HSPB8: variants seen among roughly 807,000 people sequenced by gnomAD.
HSPB8 encodes the protein heat shock protein family B (small) member 8.
In HSPB8, 9 loss-of-function variants were observed where a neutral mutation model predicts 16.5. That is an observed-to-expected ratio of 0.55 (90% CI 0.33 to 0.95). The LOEUF is 0.95. Ranked by LOEUF, HSPB8 falls within the 40% of genes least tolerant of loss-of-function variation. The probability of loss-of-function intolerance (pLI) is 0.03; values close to 1 mark genes in which losing one functional copy is unlikely to be tolerated. For missense variants in HSPB8, 238 were observed against 251.2 expected (o/e 0.95, Z 0.35); for synonymous variants, 99 against 94.8 (o/e 1.04, Z -0.26).
intron 1 of HSPB8, chr12:119,182,324 A>C (rs957051854): frequency 2.6e-5 from 4 of 152,132 alleles, no homozygotes; most frequent in Non-Finnish European, 4.4e-5. Context: ...AATAAAATTG[A>C]TATCAGGAGC....
intron 2 of HSPB8, among the ~76,000 whole-genome samples, chr12:119,191,319 C>T (rs181945306): frequency 3.5e-4 from 54 of 152,322 alleles, no homozygotes; most frequent in African/African-American, 1.2e-3. Flanking sequence ...TAGGCCATAG[C>T]CACCCTGTCA....
At chr12:119,190,394 G>A (rs2136084948) in intron 2 of HSPB8, among the ~76,000 whole-genome samples, 1 of 152,328 alleles carries the variant, frequency 6.6e-6, no homozygotes, top group South Asian at 2.1e-4. Flanking sequence ...CACCCAGGCA[G>A]GATGCTGCAG....
At chr12:119,185,212 G>A (rs1954667576) in intron 1 of HSPB8, among the ~76,000 whole-genome samples, 1 of 151,678 alleles carries the variant, frequency 6.6e-6, no homozygotes, top group Non-Finnish European at 1.5e-5. Context: ...CTGGAGTGCA[G>A]TGGTGCATTA....
intron 1 of HSPB8, among the ~76,000 whole-genome samples, chr12:119,180,122 AC>A (rs1257733296): frequency 6.6e-6 from 1 of 152,172 alleles, no homozygotes. Flanking sequence ...CCGGTGAAAC[AC>A]CTCTCCTTGT....
chr12:119,191,991 T>C (rs1454448846), intron 2 of HSPB8, among the ~76,000 whole-genome samples: 1 of 152,144 alleles, frequency 6.6e-6, no homozygotes, highest in Non-Finnish European at 1.5e-5. Flanking sequence ...CAAAATGATA[T>C]GATTCAGCTA....
chr12:119,194,370 T>A lies in HSPB8; in HGVS notation c.*512T>A, dbSNP rs1183072043. 9.6e-6 allele frequency: 2 copies of A among 207,818 alleles called. No individual in the cohort carries two copies. Among genetic ancestry groups the A allele is most frequent in the South Asian group, 1.8e-4 (2 of 11,056 alleles). The allele number at this position is 207,818 out of a possible 1,614,324, so 12.9% of individuals were successfully genotyped here. A position where few individuals can be genotyped will look rare whatever the true frequency, so the allele number is the denominator to read the frequency against. ...GATATACAGGTCTTATATCCCCATA[T>A]GGAATTTATCCATCAACCACATAAA... On this transcript the variant is annotated 3_prime_UTR_variant, in exon 3 of 3. Transcript: ENST00000281938.
rs1057322085 is a variant in HSPB8 at position 119,186,833 on chromosome 12, A to T, written c.368-192A>T. ...ATTATCTTATTTCACCTTCATAGCC[A>T]GCCTTGGAAGTGGACTTAGGTGGGT... On this transcript the variant is annotated intron_variant, in intron 1 of 2. Coordinates refer to ENST00000281938, the MANE Select transcript of HSPB8 (RefSeq NM_014365.3). 3 of 623,254 alleles carry T rather than the reference A, an allele frequency of 4.8e-6. No individual in the cohort carries two copies. In the African/African-American group the frequency reaches 5.5e-5, roughly 11 times the overall value. The allele number at this position is 623,254 out of a possible 1,614,324, so 38.6% of individuals were successfully genotyped here.
At chr12:119,192,836 G>A (rs961180266) in intron 2 of HSPB8, among the ~76,000 whole-genome samples, 4 of 152,100 alleles carry the variant, frequency 2.6e-5, no homozygotes, top group African/African-American at 4.8e-5. Flanking sequence ...GGCAAAAGGT[G>A]AAAGGCACGT....
intron 1 of HSPB8, among the ~76,000 whole-genome samples, chr12:119,181,597 C>T (rs1318458500): frequency 1.3e-5 from 2 of 152,126 alleles, no homozygotes; most frequent in Non-Finnish European, 2.9e-5. Context: ...CATTCTATGA[C>T]CTGGAACACA....
At chr12:119,193,638 TA>T (rs1954725549) in intron 2 of HSPB8, 60 bp from the exon 3 acceptor site, 5 of 1,563,796 alleles carry the variant, frequency 3.2e-6, no homozygotes, top group African/African-American at 2.7e-5. Flanking sequence ...CTCAAGTGAA[TA>T]AAAGAATGTT....
At chr12:119,192,920 A>T (rs929016707) in intron 2 of HSPB8, among the ~76,000 whole-genome samples, 7 of 152,120 alleles carry the variant, frequency 4.6e-5, no homozygotes, top group Admixed American at 3.3e-4. Context: ...ATCTCGTGAG[A>T]CTTATTCCCT....
chr12:119,190,339 G>A (rs958497221), intron 2 of HSPB8, among the ~76,000 whole-genome samples: 2 of 152,180 alleles, frequency 1.3e-5, no homozygotes, highest in Admixed American at 1.3e-4. Context: ...AGTCATTAGA[G>A]GACAGGGAGA....
intron 2 of HSPB8, among the ~76,000 whole-genome samples, chr12:119,189,777 C>T (rs1055773165): frequency 3.3e-5 from 5 of 152,060 alleles, no homozygotes; most frequent in African/African-American, 9.7e-5. Flanking sequence ...GGATGGGGAC[C>T]CCTGAATATT....
Position 119,193,681 on chromosome 12 carries a change from A to G in HSPB8, c.432-18A>G. On this transcript the variant is annotated intron_variant, in intron 2 of 2. Coordinates refer to ENST00000281938, the MANE Select transcript of HSPB8 (RefSeq NM_014365.3). ...ATATTAACAACAATAAATGAATAAA[A>G]TCGTGTGTTTCTCCTAGGCTTCCTG... is the stretch of plus-strand genomic sequence containing the variant. 1.9e-6 allele frequency: 3 copies of G among 1,613,318 alleles called. No homozygotes were observed. The highest frequency in any genetic ancestry group is 2.5e-6 in the Non-Finnish European group (3 of 1,179,228).
chr12:119,179,356 G>A lies in HSPB8; in HGVS notation c.44G>A (p.Arg15His), dbSNP rs752348447. ...QMPFSCHYPS[R>H]LRRDPFRDSP... ...CCCTTCTCCTGCCACTACCCAAGCC[G>A]CCTGCGCCGAGACCCCTTCCGGGAC... Residue 15 changes from arginine (R) to histidine (H), a missense_variant, in exon 1 of 3, where the codon CGC (arginine) becomes CAC (histidine). Transcript: ENST00000281938. The A allele has an allele frequency of 2.5e-6, 4 of 1,614,078 alleles. No individual in the cohort carries two copies. In the East Asian group the frequency reaches 6.7e-5, roughly 27 times the overall value.
chr12:119,186,603 A>G (rs1954677497), intron 1 of HSPB8, among the ~76,000 whole-genome samples: 1 of 152,142 alleles, frequency 6.6e-6, no homozygotes, highest in South Asian at 2.1e-4. Flanking sequence ...CGCCCTCAGC[A>G]TGTGACCCCG....
At chr12:119,185,223 T>C (rs1042075472) in intron 1 of HSPB8, among the ~76,000 whole-genome samples, 2 of 151,962 alleles carry the variant, frequency 1.3e-5, no homozygotes, top group Non-Finnish European at 2.9e-5. Context: ...TGGTGCATTA[T>C]AGCTTACTGT....
intron 1 of HSPB8, among the ~76,000 whole-genome samples, chr12:119,185,568 G>T (rs997835580): frequency 6.6e-6 from 1 of 152,030 alleles, no homozygotes; most frequent in Admixed American, 6.6e-5. Context: ...TCTTGACCTC[G>T]TGATCCACCT....
chr12:119,186,865 G>T, intron 1 of HSPB8, 160 bp from the exon 2 acceptor site: 1 of 714,226 alleles, frequency 1.4e-6, no homozygotes. Context: ...GGGTCTGTAT[G>T]GCAGACAAGG....
Sources: allele counts gnomAD v4.1 joint callset (sites outside exome capture counted in the v4.1 genomes callset), GRCh38; gene constraint gnomAD v4.1.1; transcripts MANE v1.5; gene names NCBI Gene and HGNC (gene_info 2026-07-23, HGNC 2026-07-21).